The following RFX2 variants were observed in gnomAD, a reference collection of about 807,000 sequenced individuals.
The protein encoded by RFX2 is DNA-binding protein RFX2.
RFX2 carries 20 observed loss-of-function variants against 87.8 expected under a neutral mutation model. The observed-to-expected ratio is 0.23, with a 90% CI of 0.16 to 0.33. The LOEUF (loss-of-function observed/expected upper bound fraction) is 0.33. Ranked by LOEUF, RFX2 falls within the 10% of genes least tolerant of loss-of-function variation. RFX2 has a pLI of 1.00. For missense variants in RFX2, 767 were observed against 1,012.3 expected (o/e 0.76, Z 3.29); for synonymous variants, 397 against 431.3 (o/e 0.92, Z 0.98).
chr19:6,003,818 G>A (rs919486341), intron 13 of RFX2, among the ~76,000 whole-genome samples: 2 of 138,518 alleles, frequency 1.4e-5, no homozygotes, highest in South Asian at 4.8e-4. Context: ...AGAAATGCTT[G>A]TGAGAACGGT....
chr19:6,077,446 C>T (rs1008463582), intron 1 of RFX2, among the ~76,000 whole-genome samples: 1 of 152,206 alleles, frequency 6.6e-6, no homozygotes. Flanking sequence ...GCGTGTGCCT[C>T]TGCAGGAAAT....
At position 6,040,718 on chromosome 19, in the gene RFX2, C is replaced by T. The variant is rs1408289477; in HGVS notation, c.261-477G>A. ...AGGTTACAGTGAGCTGTGACTGCAC[C>T]ATTGCACTTTAGCCTGGGCAACAGA... On this transcript the variant is annotated intron_variant, in intron 4 of 17. Transcript: ENST00000303657. This position sits in a 1 kb window ranked among gnomAD's most constrained non-coding sequence, Gnocchi z 6.1. Among the ~76,000 whole-genome samples the T allele has an allele frequency of 2.0e-5, 3 of 152,218 alleles. No individual in the cohort carries two copies. The highest frequency in any genetic ancestry group is 4.8e-5 in the African/African-American group (2 of 41,528).
At chr19:6,106,254 T>C (rs926841385) in intron 1 of RFX2, among the ~76,000 whole-genome samples, 31 of 151,046 alleles carry the variant, frequency 2.1e-4, no homozygotes, top group African/African-American at 7.2e-4. Flanking sequence ...CATCCATCCA[T>C]CCATCCATCC....
Position 6,045,857 on chromosome 19 carries a change from T to A in RFX2, c.90+1550A>T, listed in dbSNP as rs542444419. Among the ~76,000 whole-genome samples the A allele has an allele frequency of 1.4e-4, 22 of 152,080 alleles. No homozygotes were observed. The highest frequency in any genetic ancestry group is 3.9e-4 in the East Asian group (2 of 5,152). ...CGGCTAATTTATTATTATTATTATT[T>A]TTTGTATTTAGTAGACACAGGGTTT... On this transcript the variant is annotated intron_variant, in intron 2 of 17. Transcript: ENST00000303657. The surrounding 1 kb of genome is among the most constrained non-coding windows in gnomAD (Gnocchi z 5.2).
chr19:6,015,354 A>G (rs1367018596), intron 7 of RFX2, among the ~76,000 whole-genome samples: 2 of 151,940 alleles, frequency 1.3e-5, no homozygotes, highest in Non-Finnish European at 2.9e-5. Flanking sequence ...GGTTGAACCC[A>G]GGAGGTGGAG....
Position 6,008,212 on chromosome 19 carries a change from A to G in RFX2, c.1028T>C (p.Val343Ala). 6.4e-7 allele frequency: 1 copy of G among 1,556,892 alleles called. No homozygotes were observed. The highest frequency in any genetic ancestry group is 1.2e-5 in the South Asian group (1 of 84,632). ...HHQQYIDVSHVFPEFPAPDLG... is the reference protein window; with the variant it reads ...HHQQYIDVSHAFPEFPAPDLG... ...GTCGGGCGCTGGGAACTCGGGGAAG[A>G]CGTGGGAGACATCTGGGGGAGGAAC... is the stretch of plus-strand genomic sequence containing the variant. The change falls in exon 10 of 18, where the codon GTC becomes GCC. Residue 343 changes from valine (V) to alanine (A), a missense_variant. Coordinates refer to ENST00000303657, the MANE Select transcript of RFX2 (RefSeq NM_000635.4).
At chr19:6,042,848 T>C (rs2087130530) in intron 3 of RFX2, among the ~76,000 whole-genome samples, 1 of 152,190 alleles carries the variant, frequency 6.6e-6, no homozygotes, top group African/African-American at 2.4e-5. Flanking sequence ...GCTTTGCACA[T>C]GGGACTTCAA....
intron 1 of RFX2, among the ~76,000 whole-genome samples, chr19:6,091,837 G>A (rs1003615969): frequency 2.0e-5 from 3 of 152,310 alleles, no homozygotes; most frequent in Non-Finnish European, 4.4e-5. Flanking sequence ...AGAATAAGCC[G>A]AGGGACTGAA....
rs2087343910 is a variant in RFX2, at chr19:6,056,474, C to G, written c.-8-8970G>C. 1.3e-5 allele frequency among the ~76,000 whole-genome samples: 2 copies of G among 152,176 alleles called. No homozygotes were observed. Among genetic ancestry groups the G allele is most frequent in the African/African-American group, 4.8e-5 (2 of 41,442 alleles). On this transcript the variant is annotated intron_variant, in intron 1 of 17. Coordinates refer to ENST00000303657, the MANE Select transcript of RFX2 (RefSeq NM_000635.4). This position sits in a 1 kb window ranked among gnomAD's most constrained non-coding sequence, Gnocchi z 4.6. ...CATGGTCCTCCCAGAAGGGGTGATG[C>G]TGGATCCTGAGTAACTCCTCCACCT...
intron 1 of RFX2, among the ~76,000 whole-genome samples, chr19:6,089,943 A>C (rs145613614): frequency 2.1e-4 from 32 of 152,262 alleles, no homozygotes; most frequent in African/African-American, 7.2e-4. Flanking sequence ...TTGTTTGTAT[A>C]AGATAACATC....
In RFX2 at chr19:6,047,493, G is replaced by A; in HGVS notation, c.4C>T (p.Gln2Ter). 1.9e-6 allele frequency: 3 copies of A among 1,607,982 alleles called. No individual in the cohort carries two copies. Among genetic ancestry groups the A allele is most frequent in the Non-Finnish European group, 1.7e-6 (2 of 1,177,228 alleles). ...GAATCCGCTCCACCCTCGGAATTCTGCATGCTCAGGTCTAAAGAAAGGCGG... is the reference window on the plus strand; with the variant it reads ...GAATCCGCTCCACCCTCGGAATTCTACATGCTCAGGTCTAAAGAAAGGCGG... The part of the protein sequence containing the change: M[Q>*]NSEGGADSPA... Residue 2 changes from glutamine to a stop codon, truncating the protein, a stop_gained, in exon 2 of 18, where the codon CAG (glutamine) becomes TAG (stop). Transcript: ENST00000303657. LOFTEE classifies it high-confidence loss of function. This position sits in a 1 kb window ranked among gnomAD's most constrained non-coding sequence, Gnocchi z 4.2.
chr19:6,023,591 C>G lies in RFX2; in HGVS notation c.597+2572G>C, dbSNP rs1289611052. ...GAATCTTACTGATCACAGCTCATGACAGAAGGAAACAACTCAACAGCGAAT... is the reference window on the plus strand; with the variant it reads ...GAATCTTACTGATCACAGCTCATGAGAGAAGGAAACAACTCAACAGCGAAT... On this transcript the variant is annotated intron_variant, in intron 6 of 17. Coordinates refer to ENST00000303657, the MANE Select transcript of RFX2 (RefSeq NM_000635.4). The surrounding 1 kb of genome is among the most constrained non-coding windows in gnomAD (Gnocchi z 4.9). Among the ~76,000 whole-genome samples the G allele has an allele frequency of 3.9e-5, 6 of 152,246 alleles. No homozygotes were observed. The highest frequency in any genetic ancestry group is 6.8e-3 in the Middle Eastern group (2 of 294).
At chr19:6,069,784 G>A (rs2087568277) in intron 1 of RFX2, among the ~76,000 whole-genome samples, 1 of 152,214 alleles carries the variant, frequency 6.6e-6, no homozygotes, top group South Asian at 2.1e-4. Flanking sequence ...AGCCCCAAGT[G>A]GAGCAGAACT....
Position 6,022,265 on chromosome 19 carries a change from C to G in RFX2, c.597+3898G>C, listed in dbSNP as rs1422993552. Among the ~76,000 whole-genome samples, 1 of 152,224 alleles carries G rather than the reference C, an allele frequency of 6.6e-6. No individual in the cohort carries two copies. The highest frequency in any genetic ancestry group is 1.5e-5 in the Non-Finnish European group (1 of 68,032). ...GGCCCCTTCTGAGGAGCTGCCGGCT[C>G]TAGCAACCCCACTGTGGCCTGCAGG... On this transcript the variant is annotated intron_variant, in intron 6 of 17. Coordinates refer to ENST00000303657, the MANE Select transcript of RFX2 (RefSeq NM_000635.4). The surrounding 1 kb of genome is among the most constrained non-coding windows in gnomAD (Gnocchi z 6.2).
chr19:6,003,091 A>T (rs1003638793), intron 13 of RFX2, among the ~76,000 whole-genome samples: 3 of 152,132 alleles, frequency 2.0e-5, no homozygotes, highest in Non-Finnish European at 4.4e-5. Context: ...TCGCTAACTG[A>T]GGCCTGCGTG....
intron 1 of RFX2, among the ~76,000 whole-genome samples, chr19:6,109,967 G>A (rs999016559): frequency 2.0e-5 from 3 of 151,302 alleles, no homozygotes; most frequent in African/African-American, 7.3e-5. Flanking sequence ...GGGGTCCTTG[G>A]GTGCCCCCAA....
intron 1 of RFX2, among the ~76,000 whole-genome samples, chr19:6,090,276 C>T (rs1208642739): frequency 1.3e-5 from 2 of 151,622 alleles, no homozygotes; most frequent in Non-Finnish European, 2.9e-5. Flanking sequence ...CCAGATAACA[C>T]CTTTGAATAC....
At chr19:6,018,189 C>T (rs1189592176) in intron 6 of RFX2, among the ~76,000 whole-genome samples, 1 of 152,114 alleles carries the variant, frequency 6.6e-6, no homozygotes, top group Non-Finnish European at 1.5e-5. Flanking sequence ...ATGTTGGCCT[C>T]GAATTCCTGA....
At position 6,016,592 on chromosome 19, in the gene RFX2, T is replaced by C. The variant is rs1568507984; in HGVS notation, c.598-321A>G. ...TTTTAGTAGAGACGGGGTTTCACCA[T>C]GTTGCCCAGGCTGGTCTCAAACTAC... On this transcript the variant is annotated intron_variant, in intron 6 of 17. Transcript: ENST00000303657. This position sits in a 1 kb window ranked among gnomAD's most constrained non-coding sequence, Gnocchi z 5.4. 6.6e-6 allele frequency among the ~76,000 whole-genome samples: 1 copy of C among 152,176 alleles called. No individual in the cohort carries two copies. The highest frequency in any genetic ancestry group is 6.5e-5 in the Admixed American group (1 of 15,282).
Sources: gnomAD v4.1 joint callset for allele counts (sites outside exome capture counted in the v4.1 genomes callset) on GRCh38, gnomAD v4.1.1 for gene constraint, Gnocchi (gnomAD v3.1) non-coding constraint, MANE v1.5 for transcripts, NCBI Gene and HGNC (gene_info 2026-07-23, HGNC 2026-07-21) for gene names.